LCMT1: variants seen among roughly 807,000 people sequenced by gnomAD.
LCMT1 encodes the protein [Phosphatase 2A protein]-leucine-carboxy methyltransferase 1.
A neutral mutation model predicts 47.7 loss-of-function variants in LCMT1; 32 were observed. The ratio of observed to expected loss-of-function variants is 0.67; its 90% confidence interval spans 0.51 to 0.90. The LOEUF (loss-of-function observed/expected upper bound fraction) is 0.90. LCMT1 is among the 40% of genes least tolerant of loss of function. The probability of loss-of-function intolerance (pLI) is 0.00; values close to 1 mark genes in which losing one functional copy is unlikely to be tolerated. For synonymous variants in LCMT1, 152 were observed against 149.7 expected (o/e 1.02, Z -0.11); for missense variants, 375 against 415.2 (o/e 0.90, Z 0.84).
chr16:25,175,474 A>AC (rs1195611327), intron 10 of LCMT1, among the ~76,000 whole-genome samples: 1 of 151,390 alleles, frequency 6.6e-6, no homozygotes, highest in East Asian at 1.9e-4. Flanking sequence ...AAATACAAAA[A>AC]AAAAAAAAAT....
intron 10 of LCMT1, 67 bp downstream of exon 10, chr16:25,175,101 C>T: frequency 1.2e-6 from 1 of 827,416 alleles, no homozygotes; most frequent in South Asian, 1.6e-5. Flanking sequence ...TATTCTTTCC[C>T]TTTCTCTTTC....
chr16:25,172,978 G>A (rs1251477591), intron 9 of LCMT1, among the ~76,000 whole-genome samples: 5 of 152,232 alleles, frequency 3.3e-5, no homozygotes, highest in Non-Finnish European at 7.3e-5. Context: ...AGGACCTTCT[G>A]TAGATAGCAG....
chr16:25,131,089 A>C (rs1286141081), intron 2 of LCMT1, among the ~76,000 whole-genome samples: 1 of 152,242 alleles, frequency 6.6e-6, no homozygotes, highest in Non-Finnish European at 1.5e-5. Context: ...AGCCTGCCTT[A>C]TTCTCAGCCA....
chr16:25,133,516 A>G (rs1960415825), intron 3 of LCMT1, among the ~76,000 whole-genome samples: 1 of 144,624 alleles, frequency 6.9e-6, no homozygotes, highest in South Asian at 2.2e-4. Flanking sequence ...CTCCTGCCTT[A>G]GCCTCCTGAA....
At chr16:25,170,594 C>G in intron 8 of LCMT1, 120 bp from the exon 9 acceptor site, 1 of 747,508 alleles carries the variant, frequency 1.3e-6, no homozygotes, top group Non-Finnish European at 2.3e-6. Context: ...CACACCACTG[C>G]ACTTCAGCCT....
At chr16:25,143,642 C>T (rs1452268782) in intron 4 of LCMT1, 1 of 152,218 alleles carries the variant, frequency 6.6e-6, no homozygotes, top group Non-Finnish European at 1.5e-5. Context: ...ACCTGCCAGT[C>T]TTCTCCCAGA....
intron 4 of LCMT1, among the ~76,000 whole-genome samples, chr16:25,149,604 G>A (rs541778903): frequency 6.6e-6 from 1 of 152,004 alleles, no homozygotes; most frequent in Non-Finnish European, 1.5e-5. Flanking sequence ...ACTTTATTCC[G>A]AGGGCATGTA....
intron 5 of LCMT1, chr16:25,160,633 C>G (rs1365537162): frequency 2.3e-6 from 1 of 441,364 alleles, no homozygotes; most frequent in Non-Finnish European, 4.6e-6. Flanking sequence ...GCTTAAATGC[C>G]TAGATGGGGA....
At chr16:25,151,693 T>TG in intron 5 of LCMT1, 78 bp downstream of exon 5, 19 of 575,990 alleles carry the variant, frequency 3.3e-5, no homozygotes, top group Non-Finnish European at 4.7e-5. Flanking sequence ...GGGGTTTGTG[T>TG]TGGGTGTGTG....
At chr16:25,159,294 G>A (rs1442667025) in intron 5 of LCMT1, among the ~76,000 whole-genome samples, 2 of 152,224 alleles carry the variant, frequency 1.3e-5, no homozygotes, top group African/African-American at 4.8e-5. Flanking sequence ...GTAGAGACAA[G>A]GTCTTTGCTC....
intron 5 of LCMT1, among the ~76,000 whole-genome samples, chr16:25,151,950 A>G (rs1370967505): frequency 6.6e-6 from 1 of 152,084 alleles, no homozygotes; most frequent in Non-Finnish European, 1.5e-5. Context: ...AAGCTATAGG[A>G]GTCATCATGA....
At chr16:25,136,697 G>T (rs1477785647) in intron 3 of LCMT1, among the ~76,000 whole-genome samples, 1 of 150,878 alleles carries the variant, frequency 6.6e-6, no homozygotes, top group East Asian at 2.0e-4. Context: ...TTACAGATGC[G>T]CACCACCGTG....
At chr16:25,153,912 C>T (rs573881751) in intron 5 of LCMT1, among the ~76,000 whole-genome samples, 10 of 152,134 alleles carry the variant, frequency 6.6e-5, no homozygotes, top group Admixed American at 3.9e-4. Flanking sequence ...GAGATCATGC[C>T]GCTGCACTCC....
chr16:25,141,823 T>C (rs75751208), intron 4 of LCMT1: 10,079 of 152,290 alleles, frequency 0.066, 390 homozygotes, highest in East Asian at 0.14. Context: ...GGAGGCTTGA[T>C]GTCCTTTTAT....
At chr16:25,166,035 A>G (rs57249693) in intron 7 of LCMT1, among the ~76,000 whole-genome samples, 46,680 of 151,348 alleles carry the variant, frequency 0.31, 7,431 homozygotes, top group East Asian at 0.47. Flanking sequence ...TAGGGAGGCC[A>G]AGGAGGGCAG....
In LCMT1 at chr16:25,151,539, C is replaced by T. The variant is rs764224526; in HGVS notation, c.405-15C>T. On this transcript the variant is annotated splice_polypyrimidine_tract_variant and intron_variant, in intron 4 of 10. Coordinates refer to ENST00000399069, the MANE Select transcript of LCMT1 (RefSeq NM_016309.3). ...AAATAGACTCATTTTTCTCCTCTTT[C>T]CCATCTTCCCATAGATGCAAGCCTC... 11 of 1,607,842 alleles carry T rather than the reference C, an allele frequency of 6.8e-6. No homozygotes were observed. Among genetic ancestry groups the T allele is most frequent in the Middle Eastern group, 1.7e-4 (1 of 6,044 alleles).
chr16:25,165,558 C>T (rs1465220109), intron 7 of LCMT1, among the ~76,000 whole-genome samples: 2 of 151,078 alleles, frequency 1.3e-5, no homozygotes, highest in East Asian at 3.9e-4. Context: ...ACTCTTATTG[C>T]CCAGGCTGGA....
intron 3 of LCMT1, 32 bp downstream of exon 3, chr16:25,132,555 G>A (rs1960382922): frequency 6.2e-7 from 1 of 1,604,160 alleles, no homozygotes; most frequent in South Asian, 1.1e-5. Flanking sequence ...CCCTCCCCAA[G>A]TGTTTAGATT....
At chr16:25,115,741 G>A (rs957803735) in intron 1 of LCMT1, among the ~76,000 whole-genome samples, 2 of 152,150 alleles carry the variant, frequency 1.3e-5, no homozygotes, top group East Asian at 1.9e-4. Context: ...GCAGTGGCGC[G>A]ATGTTGGTTC....
Sources: allele counts gnomAD v4.1 joint callset (sites outside exome capture counted in the v4.1 genomes callset), GRCh38; gene constraint gnomAD v4.1.1; transcripts MANE v1.5; gene names NCBI Gene and HGNC (gene_info 2026-07-23, HGNC 2026-07-21).